PIK3CG: variants seen among roughly 807,000 people sequenced by gnomAD.
PIK3CG encodes phosphatidylinositol-4,5-bisphosphate 3-kinase catalytic subunit gamma.
PIK3CG carries 55 observed loss-of-function variants against 102.3 expected under a neutral mutation model. The ratio of observed to expected loss-of-function variants is 0.54; its 90% CI spans 0.43 to 0.67. The LOEUF is 0.67. Ranked by LOEUF, PIK3CG falls within the 30% of genes least tolerant of loss-of-function variation. The pLI is 0.00. For missense variants in PIK3CG, 1,258 were observed against 1,391.8 expected (o/e 0.90, Z 1.53); for synonymous variants, 552 against 540.0 (o/e 1.02, Z -0.31).
intron 6 of PIK3CG, 56 bp from the exon 7 acceptor site, chr7:106,882,061 A>G (rs1269493997): frequency 2.7e-5 from 20 of 728,130 alleles, no homozygotes; most frequent in Non-Finnish European, 3.5e-5. Context: ...GGGAGAAGAA[A>G]AATATATTAA....
rs1790890370 is a variant in PIK3CG at position 106,880,178 on chromosome 7, G to C, written c.2538+513G>C. 6.6e-6 allele frequency among the ~76,000 whole-genome samples: 1 copy of C among 152,194 alleles called. No homozygotes were observed. Among genetic ancestry groups the C allele is most frequent in the African/African-American group, 2.4e-5 (1 of 41,438 alleles). ...GTACTGTTAGGGCAGAAGGTGAATG[G>C]TCAATATATCAGTGCTAATTATTTT... On this transcript the variant is annotated intron_variant, in intron 6 of 10. Transcript: ENST00000496166. This position sits in a 1 kb window ranked among gnomAD's most constrained non-coding sequence, Gnocchi z 4.2.
chr7:106,868,949 A>T lies in PIK3CG; in HGVS notation c.1388A>T (p.Tyr463Phe). Residue 463 changes from tyrosine to phenylalanine, a missense_variant, in exon 2 of 11, where the codon TAT (tyrosine) becomes TTT (phenylalanine). By Grantham distance (22) the Tyr-to-Phe change is conservative. Around this residue, in one of 2 missense-constraint regions of PIK3CG, gnomAD observed 832 missense variants for 787.5 expected, o/e 1.06. Transcript: ENST00000496166. The surrounding 1 kb of genome is among the most constrained non-coding windows in gnomAD (Gnocchi z 6.2). ...AAGGGCAAAGTTCAGCTTCTCTATT[A>T]TGTGAACCTGCTGCTGATAGACCAC... ...ESKGKVQLLY[Y>F]VNLLLIDHRF... The T allele has an allele frequency of 6.2e-7, 1 of 1,614,146 alleles. No homozygotes were observed. The highest frequency in any genetic ancestry group is 8.5e-7 in the Non-Finnish European group (1 of 1,180,016).
chr7:106,881,015 T>C (rs1790915538), intron 6 of PIK3CG, among the ~76,000 whole-genome samples: 1 of 152,094 alleles, frequency 6.6e-6, no homozygotes, highest in Non-Finnish European at 1.5e-5. Context: ...AATAGCTCTC[T>C]GGTCAAAAAA....
At position 106,872,061 on chromosome 7, in the gene PIK3CG, A is replaced by G. The variant is rs918507687; in HGVS notation, c.1996-476A>G. 6.6e-6 allele frequency among the ~76,000 whole-genome samples: 1 copy of G among 152,208 alleles called. No homozygotes were observed. Among genetic ancestry groups the G allele is most frequent in the Non-Finnish European group, 1.5e-5 (1 of 68,040 alleles). On this transcript the variant is annotated intron_variant, in intron 2 of 10. Coordinates refer to ENST00000496166, the MANE Select transcript of PIK3CG (RefSeq NM_001282426.2). The surrounding 1 kb of genome is among the most constrained non-coding windows in gnomAD (Gnocchi z 5.3). ...CAGTGAGATGCCGAAAAGGGAAGCT[A>G]TAGGGCTTTTAGGATCTTTCCATCT...
At position 106,883,201 on chromosome 7, in the gene PIK3CG, C is replaced by T. The variant is rs763302275; in HGVS notation, c.2760+38C>T. 3 of 1,610,712 alleles carry T rather than the reference C, an allele frequency of 1.9e-6. No individual in the cohort carries two copies. The East Asian group carries it at 6.7e-5, about 36-fold the overall frequency. ...TTTTTCCCAGTCTAATGGCTCCTTA[C>T]AAGTTGTCATTTATATAGCAGTAGT... On this transcript the variant is annotated intron_variant, in intron 8 of 10. Transcript: ENST00000496166. This position sits in a 1 kb window ranked among gnomAD's most constrained non-coding sequence, Gnocchi z 5.8.
Position 106,872,873 on chromosome 7 carries a change from T to C in PIK3CG, c.2222T>C (p.Met741Thr). The C allele has an allele frequency of 2.5e-6, 4 of 1,614,214 alleles. No individual in the cohort carries two copies. Among genetic ancestry groups the C allele is most frequent in the Non-Finnish European group, 3.4e-6 (4 of 1,180,026 alleles). The part of the protein sequence containing the change: ...DFTQQVQVIE[M>T]LQKVTLDIKS... Reference sequence around the variant, plus strand: ...ACCCAACAAGTCCAAGTAATCGAGATGTTACAAAAAGTCACCCTTGATATT... The same window carrying C: ...ACCCAACAAGTCCAAGTAATCGAGACGTTACAAAAAGTCACCCTTGATATT... Residue 741 changes from methionine (M) to threonine (T), a missense_variant, in exon 4 of 11, where the codon ATG (methionine) becomes ACG (threonine). Coordinates refer to ENST00000496166, the MANE Select transcript of PIK3CG (RefSeq NM_001282426.2). This position sits in a 1 kb window ranked among gnomAD's most constrained non-coding sequence, Gnocchi z 5.3.
In PIK3CG at chr7:106,868,833, C is replaced by G. The variant is rs766223093; in HGVS notation, c.1272C>G (p.Pro424=). ...LEFSIKIKDL[P]KGALLNLQIY... Reference sequence around the variant, plus strand: ...TCAGTATCAAAATCAAAGACTTGCCCAAAGGGGCTCTACTGAACCTCCAGA... The same window carrying G: ...TCAGTATCAAAATCAAAGACTTGCCGAAAGGGGCTCTACTGAACCTCCAGA... The change falls in exon 2 of 11, where the codon CCC becomes CCG. Residue 424 remains proline (P), a synonymous_variant. Coordinates refer to ENST00000496166, the MANE Select transcript of PIK3CG (RefSeq NM_001282426.2). The surrounding 1 kb of genome is among the most constrained non-coding windows in gnomAD (Gnocchi z 6.2). 13 of 1,614,038 alleles carry G rather than the reference C, an allele frequency of 8.1e-6. No homozygotes were observed. Among genetic ancestry groups the G allele is most frequent in the Middle Eastern group, 3.3e-4 (2 of 6,084 alleles).
At position 106,868,281 on chromosome 7, in the gene PIK3CG, C is replaced by G. The variant is rs757667636; in HGVS notation, c.720C>G (p.Thr240=). The change falls in exon 2 of 11, where the codon ACC becomes ACG. Residue 240 remains threonine (T), a synonymous_variant. Transcript: ENST00000496166. This position sits in a 1 kb window ranked among gnomAD's most constrained non-coding sequence, Gnocchi z 6.2. ...CCATTAAGGTCTCACCCGACGACAC[C>G]CCCGGCGCCATCCTGCAGAGCTTCT... is the stretch of plus-strand genomic sequence containing the variant. ...SQTIKVSPDD[T]PGAILQSFFT... The G allele has an allele frequency of 6.2e-7, 1 of 1,614,050 alleles. No homozygotes were observed. Among genetic ancestry groups the G allele is most frequent in the Admixed American group, 1.7e-5 (1 of 60,024 alleles).
chr7:106,882,917 C>CAAAA (rs552794683), intron 7 of PIK3CG, 116 bp from the exon 8 acceptor site: 259 of 414,128 alleles, frequency 6.3e-4, no homozygotes, highest in South Asian at 9.7e-4. Flanking sequence ...GCTCTCTGGT[C>CAAAA]AAAAAAAAAA....
At chr7:106,875,809 T>C (rs1287813700) in intron 5 of PIK3CG, among the ~76,000 whole-genome samples, 1 of 152,198 alleles carries the variant, frequency 6.6e-6, no homozygotes, top group Non-Finnish European at 1.5e-5. Context: ...AGATACCATT[T>C]TTCCAAAGTG....
Position 106,893,330 on chromosome 7 carries a change from G to A in PIK3CG, c.3030+7038G>A, listed in dbSNP as rs1336528729. 6.6e-6 allele frequency among the ~76,000 whole-genome samples: 1 copy of A among 152,186 alleles called. No homozygotes were observed. The highest frequency in any genetic ancestry group is 2.4e-5 in the African/African-American group (1 of 41,434). On this transcript the variant is annotated intron_variant, in intron 10 of 10. Coordinates refer to ENST00000496166, the MANE Select transcript of PIK3CG (RefSeq NM_001282426.2). The surrounding 1 kb of genome is among the most constrained non-coding windows in gnomAD (Gnocchi z 4.4). ...GGTCTGATTTCAGCCATTTGTAGGAGTTTGAATATGTTGGTGTGATATCTC... is the reference window on the plus strand; with the variant it reads ...GGTCTGATTTCAGCCATTTGTAGGAATTTGAATATGTTGGTGTGATATCTC...
chr7:106,896,082 A>G (rs1791401195), intron 10 of PIK3CG, among the ~76,000 whole-genome samples: 2 of 152,322 alleles, frequency 1.3e-5, no homozygotes, highest in Middle Eastern at 3.4e-3. Flanking sequence ...GTGTGTGAAA[A>G]TTAGAACTAT....
At position 106,883,125 on chromosome 7, in the gene PIK3CG, A is replaced by C; in HGVS notation, c.2722A>C (p.Asn908His). The C allele has an allele frequency of 1.9e-6, 3 of 1,614,146 alleles. No homozygotes were observed. Among genetic ancestry groups the C allele is most frequent in the Non-Finnish European group, 2.5e-6 (3 of 1,179,980 alleles). The change falls in exon 8 of 11, where the codon AAT (asparagine) becomes CAT (histidine). Residue 908 changes from asparagine to histidine, a missense_variant. Asn to His is a moderately conservative substitution (Grantham distance 68, BLOSUM62 1). Coordinates refer to ENST00000496166, the MANE Select transcript of PIK3CG (RefSeq NM_001282426.2). This position sits in a 1 kb window ranked among gnomAD's most constrained non-coding sequence, Gnocchi z 5.8. ...NTGAFKDEVL[N>H]HWLKEKSPTE... Reference sequence around the variant, plus strand: ...GGGAGCATTTAAAGATGAAGTCCTGAATCACTGGCTCAAAGAAAAATCCCC... The same window carrying C: ...GGGAGCATTTAAAGATGAAGTCCTGCATCACTGGCTCAAAGAAAAATCCCC...
chr7:106,871,296 C>G (rs563645792), intron 2 of PIK3CG, among the ~76,000 whole-genome samples: 1 of 152,138 alleles, frequency 6.6e-6, no homozygotes, highest in Non-Finnish European at 1.5e-5. Flanking sequence ...TAAAACATTG[C>G]GAAAATGAGT....
chr7:106,889,979 T>C (rs1397894476), intron 10 of PIK3CG, among the ~76,000 whole-genome samples: 1 of 152,206 alleles, frequency 6.6e-6, no homozygotes, highest in African/African-American at 2.4e-5. Flanking sequence ...TTTTGATAAA[T>C]TCTCCACAGA....
At chr7:106,873,808 C>T (rs1273588771) in intron 4 of PIK3CG, among the ~76,000 whole-genome samples, 1 of 151,956 alleles carries the variant, frequency 6.6e-6, no homozygotes, top group Non-Finnish European at 1.5e-5. Context: ...TTATTCCTAC[C>T]CTAAGAAAAC....
intron 10 of PIK3CG, among the ~76,000 whole-genome samples, chr7:106,889,487 T>C (rs1453388786): frequency 1.3e-5 from 2 of 152,228 alleles, no homozygotes; most frequent in Non-Finnish European, 2.9e-5. Flanking sequence ...CAGAATCTTG[T>C]ATAATAAAGG....
rs928774619 is a variant in PIK3CG at position 106,903,624 on chromosome 7, CTATT to C, written c.3031-1480_3031-1477del. ...ACTTGTGGATCCTATTTACAGCATT[CTATT>C]TATTAATTTTTATAAAAACCTAGTT... On this transcript the variant is annotated intron_variant, in intron 10 of 10. Transcript: ENST00000496166. The surrounding 1 kb of genome is among the most constrained non-coding windows in gnomAD (Gnocchi z 4.3). Among the ~76,000 whole-genome samples the C allele has an allele frequency of 2.6e-5, 4 of 151,792 alleles. No individual in the cohort carries two copies. The highest frequency in any genetic ancestry group is 4.8e-5 in the African/African-American group (2 of 41,388).
In PIK3CG at chr7:106,879,683, T is replaced by C. The variant is rs772688507; in HGVS notation, c.2538+18T>C. ...TTTTACAGGTATGCTAATTTTAAGA[T>C]TGTTTTCAATTATCTGAAAACAATT... On this transcript the variant is annotated intron_variant, in intron 6 of 10. Transcript: ENST00000496166. The surrounding 1 kb of genome is among the most constrained non-coding windows in gnomAD (Gnocchi z 4.9). 1.9e-6 allele frequency: 3 copies of C among 1,590,844 alleles called. No individual in the cohort carries two copies. Among genetic ancestry groups the C allele is most frequent in the East Asian group, 2.2e-5 (1 of 44,732 alleles).
Sources: gnomAD v4.1 joint callset for allele counts (sites outside exome capture counted in the v4.1 genomes callset) on GRCh38, gnomAD v4.1.1 for gene constraint, gnomAD v4.1.1 regional missense constraint, Gnocchi (gnomAD v3.1) non-coding constraint, MANE v1.5 for transcripts, NCBI Gene and HGNC (gene_info 2026-07-23, HGNC 2026-07-21) for gene names.